Variants in SMURF1 observed in about 807,000 individuals in gnomAD.
SMURF1 encodes SMAD specific E3 ubiquitin protein ligase 1, also known as E3 ubiquitin-protein ligase SMURF1.
A neutral mutation model predicts 98.0 loss-of-function variants in SMURF1; 44 were observed. The observed-to-expected ratio is 0.45, with a 90% confidence interval of 0.35 to 0.58. The LOEUF is 0.58. Among genes scored for constraint, SMURF1 ranks in the 20% least tolerant of loss-of-function variants. SMURF1 has a pLI of 0.00. For synonymous variants in SMURF1, 396 were observed against 374.9 expected (o/e 1.06, Z -0.65); for missense variants, 687 against 938.4 (o/e 0.73, Z 3.50).
chr7:99,054,919 T>C, intron 5 of SMURF1, 54 bp from the exon 6 acceptor site: 1 of 1,489,508 alleles, frequency 6.7e-7, no homozygotes, highest in Non-Finnish European at 9.4e-7. Flanking sequence ...TACATAATTA[T>C]AATACAGTGA....
chr7:99,137,156 C>T (rs1008273866), intron 1 of SMURF1, among the ~76,000 whole-genome samples: 5 of 152,022 alleles, frequency 3.3e-5, no homozygotes, highest in Admixed American at 6.6e-5. Flanking sequence ...TGTCAAAGTA[C>T]GTTATTAGCT....
chr7:99,131,101 G>C (rs1373940587), intron 1 of SMURF1, among the ~76,000 whole-genome samples: 2 of 152,158 alleles, frequency 1.3e-5, no homozygotes, highest in African/African-American at 2.4e-5. Flanking sequence ...CTGAGATATA[G>C]AGAGAAACCA....
intron 1 of SMURF1, among the ~76,000 whole-genome samples, chr7:99,140,187 A>C (rs1459643545): frequency 6.6e-6 from 1 of 152,072 alleles, no homozygotes; most frequent in Non-Finnish European, 1.5e-5. Flanking sequence ...AAATCTGTCT[A>C]GAATCTAGGT....
Position 99,057,260 on chromosome 7 carries a change from C to T in SMURF1, c.348G>A (p.Leu116=). 6.2e-7 allele frequency: 1 copy of T among 1,614,128 alleles called. No individual in the cohort carries two copies. The highest frequency in any genetic ancestry group is 8.5e-7 in the Non-Finnish European group (1 of 1,180,012). Residue 116 remains leucine, a synonymous_variant, in exon 5 of 18, where the codon TTG becomes TTA. Coordinates refer to ENST00000361368, the MANE Select transcript of SMURF1 (RefSeq NM_181349.3). The stretch of plus-strand genomic sequence containing the variant: ...CTGAGGGGTTTAGTTTGCATAGATC[C>T]AAACGCTGGTCTGTAAACAAACAAT... ...SRLKDTGYQR[L]DLCKLNPSDT...
intron 12 of SMURF1, among the ~76,000 whole-genome samples, chr7:99,041,402 A>T (rs543639170): frequency 6.6e-6 from 1 of 151,610 alleles, no homozygotes; most frequent in South Asian, 2.1e-4. Flanking sequence ...ACTCTCTCTC[A>T]AAAAAAAGAA....
chr7:99,052,688 C>G (rs1466326777), intron 6 of SMURF1, among the ~76,000 whole-genome samples: 1 of 152,164 alleles, frequency 6.6e-6, no homozygotes, highest in African/African-American at 2.4e-5. Flanking sequence ...ACAATTTCAC[C>G]ATAGGGTAGA....
chr7:99,086,451 C>T (rs1339992739), intron 1 of SMURF1, among the ~76,000 whole-genome samples: 1 of 150,528 alleles, frequency 6.6e-6, no homozygotes, highest in East Asian at 2.0e-4. Context: ...AACACTCCTA[C>T]ATTGATGGTG....
chr7:99,063,257 A>ATATATATAAGATT (rs1796092694), intron 1 of SMURF1, among the ~76,000 whole-genome samples: 3 of 5,566 alleles, frequency 5.4e-4, no homozygotes, highest in Non-Finnish European at 8.1e-4. Flanking sequence ...ATATATATAT[A>ATATATATAAGATT]TATATATATA....
intron 12 of SMURF1, 111 bp from the exon 13 acceptor site, chr7:99,040,667 T>C: frequency 9.7e-7 from 1 of 1,029,460 alleles, no homozygotes; most frequent in Non-Finnish European, 1.3e-6. Flanking sequence ...CAACCAGACC[T>C]ACTGACTCAG....
At position 99,042,220 on chromosome 7, in the gene SMURF1, G is replaced by T; in HGVS notation, c.1269C>A (p.Tyr423Ter). Residue 423 changes from tyrosine (Y) to a stop codon, truncating the protein, a stop_gained, in exon 12 of 18, where the codon TAC (tyrosine) becomes TAA (stop). Transcript: ENST00000361368. LOFTEE classifies it high-confidence loss of function. ...DYGGVAREWL[Y>*]LLCHEMLNPY... ...GATTCAGCATTTCATGGCACAGCAAGTAAAGCCACTCCCTGGGAGCAAACA... is the reference window on the plus strand; with the variant it reads ...GATTCAGCATTTCATGGCACAGCAATTAAAGCCACTCCCTGGGAGCAAACA... The T allele has an allele frequency of 6.2e-7, 1 of 1,612,240 alleles. No homozygotes were observed. Among genetic ancestry groups the T allele is most frequent in the Non-Finnish European group, 8.5e-7 (1 of 1,179,022 alleles).
intron 1 of SMURF1, among the ~76,000 whole-genome samples, chr7:99,133,681 G>A (rs1284330563): frequency 6.6e-6 from 1 of 152,156 alleles, no homozygotes; most frequent in Non-Finnish European, 1.5e-5. Context: ...AGAAGTGTAT[G>A]CAAATACTCA....
intron 1 of SMURF1, among the ~76,000 whole-genome samples, chr7:99,096,758 G>A (rs1396757794): frequency 6.6e-6 from 1 of 152,174 alleles, no homozygotes; most frequent in East Asian, 1.9e-4. Flanking sequence ...AGTAGACAGA[G>A]TCAGCAAGGA....
rs571310459 is a variant in SMURF1 at position 99,035,730 on chromosome 7, G to A, written c.1810-14C>T. 1.4e-5 allele frequency: 22 copies of A among 1,612,408 alleles called. No homozygotes were observed. The East Asian group carries it at 4.0e-4, about 29-fold the overall frequency. On this transcript the variant is annotated splice_polypyrimidine_tract_variant and intron_variant, in intron 15 of 17. Coordinates refer to ENST00000361368, the MANE Select transcript of SMURF1 (RefSeq NM_181349.3). ...GCCTATGATCAGCTGAGGAGGTGCAGAAAGGTGAATTACTTCCAAAATGCA... is the reference window on the plus strand; with the variant it reads ...GCCTATGATCAGCTGAGGAGGTGCAAAAAGGTGAATTACTTCCAAAATGCA...
chr7:99,087,953 T>C (rs966763897), intron 1 of SMURF1, among the ~76,000 whole-genome samples: 3 of 152,002 alleles, frequency 2.0e-5, no homozygotes, highest in African/African-American at 7.2e-5. Flanking sequence ...AATGAAAATT[T>C]CTTTAAAAAA....
intron 1 of SMURF1, among the ~76,000 whole-genome samples, chr7:99,105,295 G>A (rs1468416094): frequency 6.6e-6 from 1 of 152,080 alleles, no homozygotes; most frequent in Non-Finnish European, 1.5e-5. Context: ...ATGCACTTAC[G>A]AGCTTGAGAT....
At chr7:99,035,991 T>C in intron 15 of SMURF1, 1 of 463,010 alleles carries the variant, frequency 2.2e-6, no homozygotes, top group Non-Finnish European at 4.0e-6. Context: ...GGGTTTTTGC[T>C]CTGCATCGGT....
chr7:99,090,762 T>A (rs1796789251), intron 1 of SMURF1, among the ~76,000 whole-genome samples: 1 of 152,190 alleles, frequency 6.6e-6, no homozygotes, highest in South Asian at 2.1e-4. Context: ...TATTAGAATC[T>A]TTTTCTTAAA....
intron 11 of SMURF1, among the ~76,000 whole-genome samples, chr7:99,043,687 G>C (rs1795468841): frequency 6.6e-6 from 1 of 152,226 alleles, no homozygotes; most frequent in African/African-American, 2.4e-5. Context: ...ACAGAGACAA[G>C]TGTTCCGCTG....
rs1794832968 is a variant in SMURF1, at chr7:99,030,448, A to G, written c.*136T>C. 4 of 731,874 alleles carry G rather than the reference A, an allele frequency of 5.5e-6. No individual in the cohort carries two copies. Among genetic ancestry groups the G allele is most frequent in the South Asian group, 5.2e-5 (3 of 57,790 alleles). The allele number at this position is 731,874 out of a possible 1,614,324, so 45.3% of individuals were successfully genotyped here. On this transcript the variant is annotated 3_prime_UTR_variant, in exon 18 of 18. Coordinates refer to ENST00000361368, the MANE Select transcript of SMURF1 (RefSeq NM_181349.3). Reference sequence around the variant, plus strand: ...GTCCCCCATCCCCCTCCCCCAACAGAAAGGAGAGAGACAACCCTTTCCCCT... The same window carrying G: ...GTCCCCCATCCCCCTCCCCCAACAGGAAGGAGAGAGACAACCCTTTCCCCT...
Sources: allele counts gnomAD v4.1 joint callset (sites outside exome capture counted in the v4.1 genomes callset), GRCh38; gene constraint gnomAD v4.1.1; transcripts MANE v1.5; gene names NCBI Gene and HGNC (gene_info 2026-07-23, HGNC 2026-07-21).